SPO11: variants seen among roughly 807,000 people sequenced by gnomAD.
SPO11 encodes meiotic recombination protein SPO11.
In SPO11, 49 loss-of-function variants were observed where a neutral mutation model predicts 51.6. The observed-to-expected ratio is 0.95, with a 90% CI of 0.75 to 1.20. The LOEUF (loss-of-function observed/expected upper bound fraction) is 1.20. Among genes scored for constraint, SPO11 ranks in the 50% most tolerant of loss-of-function variants. The pLI is 0.00. For synonymous variants in SPO11, 176 were observed against 158.2 expected, an observed-to-expected ratio of 1.11 and a Z score of -0.84; for missense variants, 431 against 473.4, an observed-to-expected ratio of 0.91 and a Z score of 0.83.
intron 1 of SPO11, among the ~76,000 whole-genome samples, chr20:57,330,880 G>GT (rs2066441067): frequency 6.6e-6 from 1 of 152,138 alleles, no homozygotes; most frequent in African/African-American, 2.4e-5. Context: ...CTTAAAGTTG[G>GT]TTACAGTATT....
intron 9 of SPO11, 71 bp downstream of exon 9, chr20:57,338,446 C>A: frequency 1.1e-6 from 1 of 914,844 alleles, no homozygotes; most frequent in Non-Finnish European, 1.6e-6. Flanking sequence ...TTTTCTTCCT[C>A]TTTTTTTTTT....
intron 6 of SPO11, 119 bp from the exon 7 acceptor site, chr20:57,335,300 A>G: frequency 1.3e-6 from 1 of 788,844 alleles, no homozygotes; most frequent in East Asian, 2.7e-5. Context: ...TTTTTAACAG[A>G]GGAAGAAGTC....
At chr20:57,330,790 G>T (rs574035150) in intron 1 of SPO11, among the ~76,000 whole-genome samples, 1 of 152,252 alleles carries the variant, frequency 6.6e-6, no homozygotes, top group East Asian at 1.9e-4. Flanking sequence ...TTATTTTGAG[G>T]GAGAACTTGG....
chr20:57,334,822 A>G lies in SPO11; in HGVS notation c.583A>G (p.Thr195Ala). Residue 195 changes from threonine (T) to alanine (A), a missense_variant, in exon 6 of 13, where the codon ACC becomes GCC. Physicochemically the swap from Thr to Ala is moderately conservative, Grantham distance 58. Coordinates refer to ENST00000371263, the MANE Select transcript of SPO11 (RefSeq NM_012444.3). ...GGAAGATGGCACCAAAGTGAATTGT[A>G]CCTGTGGTGCAACGGTAAGAAGCAT... ...IEEDGTKVNC[T>A]CGATAVAVPS... 1.9e-6 allele frequency: 3 copies of G among 1,613,726 alleles called. No homozygotes were observed. The highest frequency in any genetic ancestry group is 2.5e-6 in the Non-Finnish European group (3 of 1,179,736).
intron 8 of SPO11, chr20:57,337,863 G>A: frequency 1.4e-6 from 1 of 694,156 alleles, no homozygotes; most frequent in East Asian, 6.8e-5. Flanking sequence ...CGTTGTATGA[G>A]CATAACCTAT....
chr20:57,333,299 T>C (rs1323775913), intron 3 of SPO11, 23 bp downstream of exon 3: 2 of 1,534,220 alleles, frequency 1.3e-6, no homozygotes, highest in African/African-American at 1.4e-5. Context: ...TTCTTAGCTT[T>C]TGGTAATAAA....
intron 8 of SPO11, 46 bp from the exon 9 acceptor site, chr20:57,338,230 T>C: frequency 1.5e-6 from 2 of 1,317,672 alleles, no homozygotes; most frequent in Non-Finnish European, 2.2e-6. Context: ...TTGTAACCAT[T>C]TTATTCTACT....
chr20:57,339,048 T>C, intron 10 of SPO11, 22 bp downstream of exon 10: 1 of 1,406,322 alleles, frequency 7.1e-7, no homozygotes, highest in South Asian at 1.3e-5. Flanking sequence ...AAAGCAGTTT[T>C]CCTTTTTTAT....
chr20:57,339,057 A>C, intron 10 of SPO11, 31 bp downstream of exon 10: 1 of 1,368,430 alleles, frequency 7.3e-7, no homozygotes, highest in Non-Finnish European at 1.0e-6. Context: ...TTCCTTTTTT[A>C]TTATTTAGAC....
chr20:57,336,392 C>T (rs1391847106), intron 8 of SPO11, among the ~76,000 whole-genome samples: 1 of 152,176 alleles, frequency 6.6e-6, no homozygotes, highest in African/African-American at 2.4e-5. Context: ...AATCCTTCCC[C>T]TTTCATTCTT....
chr20:57,334,885 T>C, intron 6 of SPO11, 49 bp downstream of exon 6: 1 of 1,486,224 alleles, frequency 6.7e-7, no homozygotes, highest in Non-Finnish European at 9.3e-7. Flanking sequence ...TCTAGCTCCT[T>C]CAGTTTTGAA....
At position 57,335,888 on chromosome 20, in the gene SPO11, C is replaced by T; in HGVS notation, c.725C>T (p.Ser242Phe). ...LLDDNFCNKLSPCIMITGKGV... is the reference protein window; with the variant it reads ...LLDDNFCNKLFPCIMITGKGV... ...GATGACAACTTTTGCAACAAATTGTCTCCTTGCATCATGATTACGGTATAT... is the reference window on the plus strand; with the variant it reads ...GATGACAACTTTTGCAACAAATTGTTTCCTTGCATCATGATTACGGTATAT... Residue 242 changes from serine (S) to phenylalanine (F), a missense_variant, in exon 8 of 13, where the codon TCT becomes TTT. Physicochemically the swap from Ser to Phe is radical, Grantham distance 155. Around this residue, in one of 3 missense-constraint regions of SPO11, gnomAD observed 405 missense variants for 425.9 expected, o/e 0.95. Transcript: ENST00000371263. 2 of 1,606,272 alleles carry T rather than the reference C, an allele frequency of 1.2e-6. No homozygotes were observed. The highest frequency in any genetic ancestry group is 8.5e-7 in the Non-Finnish European group (1 of 1,173,350).
At chr20:57,336,665 G>C (rs998555592) in intron 8 of SPO11, among the ~76,000 whole-genome samples, 2 of 152,086 alleles carry the variant, frequency 1.3e-5, no homozygotes, top group African/African-American at 4.8e-5. Flanking sequence ...GCTGGGACTC[G>C]AGGGCCATAT....
rs758763384 is a variant in SPO11, at chr20:57,335,830, G to A, written c.667G>A (p.Val223Ile). ...LVTDAKFVLI[V>I]EKDATFQRLL... ...TACAGATGCAAAGTTTGTATTAATT[G>A]TAGAAAAAGATGCAACATTTCAGCG... The change falls in exon 8 of 13, where the codon GTA becomes ATA. Residue 223 changes from valine to isoleucine, a missense_variant. Physicochemically the swap from Val to Ile is conservative, Grantham distance 29 (BLOSUM62 3). Coordinates refer to ENST00000371263, the MANE Select transcript of SPO11 (RefSeq NM_012444.3). 1 of 1,612,304 alleles carries A rather than the reference G, an allele frequency of 6.2e-7. No individual in the cohort carries two copies. Among genetic ancestry groups the A allele is most frequent in the Non-Finnish European group, 8.5e-7 (1 of 1,179,042 alleles).
In SPO11 at chr20:57,329,874, T is replaced by C. The variant is rs1387165152; in HGVS notation, c.7T>C (p.Phe3Leu). ...CTGGCAGCCGTCTGCCCTCATGGCC[T>C]TTGCACCTATGGGGCCCGAGGCCTC... MAFAPMGPEASFF... is the reference protein window; with the variant it reads MALAPMGPEASFF... The change falls in exon 1 of 13, where the codon TTT becomes CTT. Residue 3 changes from phenylalanine to leucine, a missense_variant. Around this residue, in one of 3 missense-constraint regions of SPO11, gnomAD observed 405 missense variants for 425.9 expected, o/e 0.95. Transcript: ENST00000371263. The C allele has an allele frequency of 1.9e-6, 3 of 1,613,496 alleles. No homozygotes were observed. The highest frequency in any genetic ancestry group is 1.7e-5 in the Admixed American group (1 of 60,012).
intron 1 of SPO11, among the ~76,000 whole-genome samples, chr20:57,331,567 C>T (rs1205601453): frequency 6.6e-6 from 1 of 152,026 alleles, no homozygotes; most frequent in East Asian, 1.9e-4. Flanking sequence ...TTGGTAATTG[C>T]TTGAGAAGTA....
In SPO11 at chr20:57,333,742, T is replaced by C. The variant is rs199559830; in HGVS notation, c.390T>C (p.Tyr130=). ...ATAAATTAGTACAGAGCAACACTTA[T>C]GCAACCAAAAGGTAAATATATTGTT... ...MIYKLVQSNT[Y]ATKRDIYYTD... Residue 130 remains tyrosine (Y), a synonymous_variant, in exon 4 of 13, where the codon TAT becomes TAC. Transcript: ENST00000371263. 4.0e-4 allele frequency: 592 copies of C among 1,480,280 alleles called. 7 individuals carry two copies. In the South Asian group the frequency reaches 6.5e-3, roughly 16 times the overall value. 91.7% of individuals were successfully genotyped at this position (1,480,280 alleles called of 1,614,324 possible).
intron 1 of SPO11, 101 bp downstream of exon 1, chr20:57,330,099 A>T (rs2146073532): frequency 7.0e-7 from 1 of 1,420,480 alleles, no homozygotes; most frequent in East Asian, 2.5e-5. Context: ...CTGAGGAGGC[A>T]CCCCTTGGCG....
At chr20:57,332,067 AT>A in intron 2 of SPO11, 121 bp downstream of exon 2, 1 of 561,534 alleles carries the variant, frequency 1.8e-6, no homozygotes, top group Non-Finnish European at 3.0e-6. Flanking sequence ...AAAAAAAAGG[AT>A]TTAGGAAGTT....
Sources: allele counts gnomAD v4.1 joint callset (sites outside exome capture counted in the v4.1 genomes callset), GRCh38; gene constraint gnomAD v4.1.1; regional missense constraint gnomAD v4.1.1; transcripts MANE v1.5; gene names NCBI Gene and HGNC (gene_info 2026-07-23, HGNC 2026-07-21).